RETN: variants seen among roughly 807,000 people sequenced by gnomAD.
The protein encoded by RETN is C/EBP-epsilon regulated myeloid-specific secreted cysteine-rich protein precursor 1.
Under a neutral mutation model 6.1 loss-of-function variants are expected in RETN, and 5 were observed. The ratio of observed to expected loss-of-function variants is 0.82; its 90% confidence interval spans 0.43 to 1.73. The LOEUF (loss-of-function observed/expected upper bound fraction) is 1.73, where lower values mean the gene tolerates loss of function less well. Ranked by LOEUF, RETN falls within the 40% of genes most tolerant of loss-of-function variation. The probability of loss-of-function intolerance (pLI) is 0.02; values close to 1 mark genes in which losing one functional copy is unlikely to be tolerated. For missense variants in RETN, 168 were observed against 142.5 expected, an observed-to-expected ratio of 1.18 and a Z score of -0.91; for synonymous variants, 62 against 59.2, an observed-to-expected ratio of 1.05 and a Z score of -0.22.
exon 4 of RETN, chr19:7,670,449 ATGATGATGATG>A: frequency 1.6e-6 from 2 of 1,255,284 alleles, no homozygotes. Context: ...GATGATGATG[ATGATGATGATG>A]ATGGAGCGGA....
rs375891556 is a variant in RETN at position 7,670,215 on chromosome 19, G to A, written c.197-4G>A. On this transcript the variant is annotated splice_region_variant and splice_polypyrimidine_tract_variant and intron_variant, in intron 3 of 3. Transcript: ENST00000221515. ...AGTCCACGCTCCTGTGTTCCGGGCTGCAGGCTTCGCCGTCACCGGCTGCAC... is the reference window on the plus strand; with the variant it reads ...AGTCCACGCTCCTGTGTTCCGGGCTACAGGCTTCGCCGTCACCGGCTGCAC... 40 of 1,600,370 alleles carry A rather than the reference G, an allele frequency of 2.5e-5. No individual in the cohort carries two copies. In the African/African-American group the frequency reaches 4.8e-4, roughly 19 times the overall value.
intron 3 of RETN, 134 bp downstream of exon 3, chr19:7,670,032 C>T (rs1177142397): frequency 3.2e-6 from 3 of 950,698 alleles, no homozygotes; most frequent in Non-Finnish European, 4.9e-6. Context: ...GCCTTCTCCG[C>T]CCACCATCTG....
At chr19:7,670,112 G>GGGGCCCC in intron 3 of RETN, 107 bp from the exon 4 acceptor site, 3 of 579,172 alleles carry the variant, frequency 5.2e-6, no homozygotes, top group Non-Finnish European at 6.2e-6. Flanking sequence ...AGCCGTCCCC[G>GGGGCCCC]TCCCCACCCC....
At position 7,669,455 on chromosome 19, in the gene RETN, C is replaced by T. The variant is rs768979820; in HGVS notation, c.118+11C>T. The T allele has an allele frequency of 3.1e-6, 5 of 1,591,702 alleles. No homozygotes were observed. The Admixed American group carries it at 8.3e-5, about 27-fold the overall frequency. ...TCGCCGGCTCCCTAAGTGAGGACCC[C>T]CCACTTGGGCAAGCTCCCCAAGGGT... On this transcript the variant is annotated intron_variant, in intron 2 of 3. Coordinates refer to ENST00000221515, the MANE Select transcript of RETN (RefSeq NM_020415.4).
chr19:7,669,601 T>C (rs2032457868), intron 2 of RETN, among the ~76,000 whole-genome samples, 157 bp downstream of exon 2: 1 of 151,796 alleles, frequency 6.6e-6, no homozygotes, highest in Non-Finnish European at 1.5e-5. Context: ...TCCCAACCCC[T>C]CCGACTGTCC....
chr19:7,670,047 C>T (rs2032470441), intron 3 of RETN, 149 bp downstream of exon 3: 1 of 954,886 alleles, frequency 1.0e-6, no homozygotes, highest in Non-Finnish European at 1.6e-6. Flanking sequence ...CATCTGGACA[C>T]TGGTGTCCAC....
Position 7,669,340 on chromosome 19 carries a change from G to C in RETN, c.14G>C (p.Cys5Ser), listed in dbSNP as rs1327610591. ...AGCGCCTGCAGGATGAAAGCTCTCT[G>C]TCTCCTCCTCCTCCCTGTCCTGGGG... is the stretch of plus-strand genomic sequence containing the variant. MKAL[C>S]LLLLPVLGLL... Residue 5 changes from cysteine (C) to serine (S), a missense_variant, in exon 2 of 4, where the codon TGT (cysteine) becomes TCT (serine). Coordinates refer to ENST00000221515, the MANE Select transcript of RETN (RefSeq NM_020415.4). 1 of 1,613,410 alleles carries C rather than the reference G, an allele frequency of 6.2e-7. No individual in the cohort carries two copies. The highest frequency in any genetic ancestry group is 1.3e-5 in the African/African-American group (1 of 74,958).
In RETN at chr19:7,669,409, T is replaced by C; in HGVS notation, c.83T>C (p.Ile28Thr). The change falls in exon 2 of 4, where the codon ATC becomes ACC. Residue 28 changes from isoleucine (I) to threonine (T), a missense_variant. Physicochemically the swap from Ile to Thr is moderately conservative, Grantham distance 89 (BLOSUM62 -1). Coordinates refer to ENST00000221515, the MANE Select transcript of RETN (RefSeq NM_020415.4). Reference sequence around the variant, plus strand: ...ACCCTGTGCTCCATGGAAGAAGCCATCAATGAGAGGATCCAGGAGGTCGCC... The same window carrying C: ...ACCCTGTGCTCCATGGAAGAAGCCACCAATGAGAGGATCCAGGAGGTCGCC... ...SKTLCSMEEA[I>T]NERIQEVAGS... The C allele has an allele frequency of 6.2e-7, 1 of 1,613,896 alleles. No homozygotes were observed. The highest frequency in any genetic ancestry group is 1.1e-5 in the South Asian group (1 of 91,074).
At chr19:7,670,111 C>CGGGGGG in intron 3 of RETN, 108 bp from the exon 4 acceptor site, 3 of 614,696 alleles carry the variant, frequency 4.9e-6, no homozygotes, top group Non-Finnish European at 5.9e-6. Context: ...CAGCCGTCCC[C>CGGGGGG]GTCCCCACCC....
rs2032485535 is a variant in RETN, at chr19:7,670,446, ATG to A, written c.*98_*99del. On this transcript the variant is annotated 3_prime_UTR_variant, in exon 4 of 4. Transcript: ENST00000221515. Reference sequence around the variant, plus strand: ...AATAAACCTGGAGATGATGATGATGATGATGATGATGATGATGGAGCGGATCT... The same window carrying A: ...AATAAACCTGGAGATGATGATGATGAATGATGATGATGATGGAGCGGATCT... 3 of 1,247,508 alleles carry A rather than the reference ATG, an allele frequency of 2.4e-6. No homozygotes were observed. Among genetic ancestry groups the A allele is most frequent in the Non-Finnish European group, 3.3e-6 (3 of 908,204 alleles). 77.3% of individuals were successfully genotyped at this position (1,247,508 alleles called of 1,614,324 possible). A position where few individuals can be genotyped will look rare whatever the true frequency, so the allele number is the denominator to read the frequency against.
chr19:7,669,333 GCT>G lies in RETN; in HGVS notation c.12_13del (p.Cys5SerfsTer13), dbSNP rs762286496. On this transcript the variant is annotated frameshift_variant, in exon 2 of 4. Transcript: ENST00000221515. LOFTEE classifies it high-confidence loss of function. ...CTCTTTCAGCGCCTGCAGGATGAAA[GCT>G]CTCTGTCTCCTCCTCCTCCCTGTCC... The part of the protein sequence containing the change: MK[A>X]LCLLLLPVLG... 40 of 1,613,042 alleles carry G rather than the reference GCT, an allele frequency of 2.5e-5. No individual in the cohort carries two copies. In the South Asian group the frequency reaches 4.3e-4, roughly 17 times the overall value.
chr19:7,669,985 A>C (rs1433650972), intron 3 of RETN, 87 bp downstream of exon 3: 3 of 1,068,804 alleles, frequency 2.8e-6, no homozygotes, highest in South Asian at 2.6e-5. Flanking sequence ...CCCCGTGTCC[A>C]GCCTCTACTC....
Position 7,670,214 on chromosome 19 carries a change from T to C in RETN, c.197-5T>C, listed in dbSNP as rs1371713783. The C allele has an allele frequency of 4.5e-6, 7 of 1,551,830 alleles. No homozygotes were observed. Among genetic ancestry groups the C allele is most frequent in the Non-Finnish European group, 5.2e-6 (6 of 1,147,606 alleles). On this transcript the variant is annotated splice_region_variant and splice_polypyrimidine_tract_variant and intron_variant, in intron 3 of 3. Coordinates refer to ENST00000221515, the MANE Select transcript of RETN (RefSeq NM_020415.4). The stretch of plus-strand genomic sequence containing the variant: ...GAGTCCACGCTCCTGTGTTCCGGGC[T>C]GCAGGCTTCGCCGTCACCGGCTGCA...
Position 7,670,336 on chromosome 19 carries a change from G to T in RETN, c.314G>T (p.Arg105Leu), listed in dbSNP as rs1430870452. 4.5e-6 allele frequency: 7 copies of T among 1,558,062 alleles called. No individual in the cohort carries two copies. In the Admixed American group the frequency reaches 1.1e-4, roughly 25 times the overall value. Residue 105 changes from arginine (R) to leucine (L), a missense_variant, in exon 4 of 4, where the codon CGT (arginine) becomes CTT (leucine). Transcript: ENST00000221515. ...GACTGGACCGGAGCGCGCTGCTGTC[G>T]TGTGCAGCCCTGAGGTCGCGCGCAG... Reference protein sequence around the residue: ...GMDWTGARCCRVQP With the variant: ...GMDWTGARCCLVQP
intron 3 of RETN, 59 bp downstream of exon 3, chr19:7,669,957 C>A (rs1035219891): frequency 1.5e-6 from 2 of 1,302,230 alleles, no homozygotes; most frequent in Non-Finnish European, 2.2e-6. Context: ...CCTGGGAATG[C>A]CCCCTCCCCG....
At chr19:7,669,202 C>G (rs1248594739) in intron 1 of RETN, 81 bp downstream of exon 1, 4 of 753,878 alleles carry the variant, frequency 5.3e-6, no homozygotes, top group Admixed American at 2.1e-5. Flanking sequence ...CCCTGTCCCC[C>G]ACATGGGGGG....
intron 2 of RETN, 58 bp from the exon 3 acceptor site, chr19:7,669,763 G>A (rs938361452): frequency 1.3e-6 from 2 of 1,496,974 alleles, no homozygotes; most frequent in Non-Finnish European, 1.9e-6. Context: ...AGGGGAGGAT[G>A]GGGGAGGGAC....
chr19:7,670,151 CACCCCCCT>C, intron 3 of RETN, 60 bp from the exon 4 acceptor site: 1 of 591,540 alleles, frequency 1.7e-6, no homozygotes, highest in Non-Finnish European at 3.0e-6. Flanking sequence ...CCGCGCTCCC[CACCCCCCT>C]CCCGCTCCCA....
exon 4 of RETN, chr19:7,670,448 GATGATGAT>G (rs781665590): frequency 5.5e-6 from 7 of 1,273,290 alleles, no homozygotes; most frequent in Non-Finnish European, 7.5e-6. Context: ...TGATGATGAT[GATGATGAT>G]GATGATGGAG....
Sources: allele counts gnomAD v4.1 joint callset (sites outside exome capture counted in the v4.1 genomes callset), GRCh38; gene constraint gnomAD v4.1.1; transcripts MANE v1.5; gene names NCBI Gene and HGNC (gene_info 2026-07-23, HGNC 2026-07-21).